ZMIZ1: variants seen among roughly 807,000 people sequenced by gnomAD.
The protein encoded by ZMIZ1 is zinc finger MIZ domain-containing protein 1.
Under a neutral mutation model 113.9 loss-of-function variants are expected in ZMIZ1, and 17 were observed. That is an observed-to-expected ratio of 0.15 (90% confidence interval 0.10 to 0.22). ZMIZ1 has a LOEUF of 0.22. Among genes scored for constraint, ZMIZ1 ranks in the 10% least tolerant of loss-of-function variants. The pLI is 1.00. For missense variants in ZMIZ1, 1,059 were observed against 1,477.8 expected (o/e 0.72, Z 4.65); for synonymous variants, 607 against 603.1 (o/e 1.01, Z -0.09).
At chr10:79,091,992 G>A (rs111769125) in intron 1 of ZMIZ1, among the ~76,000 whole-genome samples, 121 of 152,286 alleles carry the variant, frequency 7.9e-4, no homozygotes, top group African/African-American at 2.9e-3. Context: ...GGACCAACCA[G>A]GCTCCCTGTA....
chr10:79,197,296 C>A (rs1022278482), intron 4 of ZMIZ1, among the ~76,000 whole-genome samples: 1 of 152,166 alleles, frequency 6.6e-6, no homozygotes, highest in African/African-American at 2.4e-5. Flanking sequence ...CCTTCACTGC[C>A]GCATGGGTAT....
At chr10:79,134,537 C>T (rs186585663) in intron 2 of ZMIZ1, among the ~76,000 whole-genome samples, 3 of 152,308 alleles carry the variant, frequency 2.0e-5, no homozygotes, top group East Asian at 1.9e-4. Flanking sequence ...TGAAAACCTC[C>T]ACCTCCTTCT....
intron 4 of ZMIZ1, among the ~76,000 whole-genome samples, chr10:79,192,850 G>A (rs1293261079): frequency 6.6e-6 from 1 of 152,162 alleles, no homozygotes. Flanking sequence ...ACGCTGGCCC[G>A]AGGGCCTGCT....
At chr10:79,300,674 G>T in intron 16 of ZMIZ1, 58 bp from the exon 17 acceptor site, 1 of 1,535,190 alleles carries the variant, frequency 6.5e-7, no homozygotes. Flanking sequence ...TCGGGGTCAC[G>T]GAGGCCATGG....
At chr10:79,204,126 G>T (rs532076490) in intron 5 of ZMIZ1, among the ~76,000 whole-genome samples, 6 of 152,340 alleles carry the variant, frequency 3.9e-5, no homozygotes, top group African/African-American at 1.4e-4. Context: ...AACCTAATCA[G>T]AAGAGAAAGG....
At chr10:79,072,174 A>C (rs925848428) in intron 1 of ZMIZ1, among the ~76,000 whole-genome samples, 1 of 151,970 alleles carries the variant, frequency 6.6e-6, no homozygotes, top group African/African-American at 2.4e-5. Context: ...CAAAGGGGGG[A>C]GGAGGGTTCT....
chr10:79,202,799 C>CA (rs1848157515), intron 5 of ZMIZ1, among the ~76,000 whole-genome samples: 1 of 152,248 alleles, frequency 6.6e-6, no homozygotes, highest in South Asian at 2.1e-4. Flanking sequence ...TTATTCACTC[C>CA]AGGAAGGACC....
At chr10:79,112,413 C>G (rs1451188942) in intron 1 of ZMIZ1, among the ~76,000 whole-genome samples, 1 of 152,010 alleles carries the variant, frequency 6.6e-6, no homozygotes, top group Non-Finnish European at 1.5e-5. Context: ...GACTTCAGAC[C>G]CACTCGGCTC....
intron 2 of ZMIZ1, among the ~76,000 whole-genome samples, chr10:79,137,750 G>A (rs539401290): frequency 9.2e-5 from 14 of 152,180 alleles, no homozygotes; most frequent in South Asian, 4.2e-4. Context: ...ATCTCTCTCC[G>A]AGAGGAGGCA....
chr10:79,208,495 G>A, intron 6 of ZMIZ1, 46 bp downstream of exon 6: 1 of 1,539,654 alleles, frequency 6.5e-7, no homozygotes, highest in Non-Finnish European at 8.9e-7. Flanking sequence ...AGGAAGGTCA[G>A]CTGAGTGCTA....
intron 2 of ZMIZ1, among the ~76,000 whole-genome samples, chr10:79,120,477 G>A (rs761272476): frequency 2.6e-5 from 4 of 152,210 alleles, no homozygotes; most frequent in Non-Finnish European, 5.9e-5. Context: ...GGAGGCTCTG[G>A]ACAGCCTGGG....
At chr10:79,195,411 C>G (rs909322630) in intron 4 of ZMIZ1, among the ~76,000 whole-genome samples, 5 of 152,246 alleles carry the variant, frequency 3.3e-5, no homozygotes, top group African/African-American at 4.8e-5. Flanking sequence ...GTCTCACCCC[C>G]CATTCAGGGG....
chr10:79,230,795 G>A (rs1431398515), intron 7 of ZMIZ1, among the ~76,000 whole-genome samples: 1 of 152,228 alleles, frequency 6.6e-6, no homozygotes, highest in African/African-American at 2.4e-5. Flanking sequence ...GGTCTCCAGG[G>A]AGAGATTTGA....
chr10:79,200,742 A>C (rs1848040593), intron 4 of ZMIZ1, among the ~76,000 whole-genome samples: 1 of 152,164 alleles, frequency 6.6e-6, no homozygotes, highest in Admixed American at 6.5e-5. Flanking sequence ...AAGTGAAAAC[A>C]ACAGAGTTGT....
At chr10:79,093,135 A>AACACACACACACACAC (rs5786379) in intron 1 of ZMIZ1, among the ~76,000 whole-genome samples, 5 of 107,994 alleles carry the variant, frequency 4.6e-5, no homozygotes, top group African/African-American at 1.4e-4. Context: ...CCCCACCCCC[A>AACACACACACACACAC]ACACACACAC....
chr10:79,286,146 G>C (rs1016912336), intron 8 of ZMIZ1, among the ~76,000 whole-genome samples: 1 of 152,196 alleles, frequency 6.6e-6, no homozygotes, highest in African/African-American at 2.4e-5. Flanking sequence ...AAGCACCTGT[G>C]ACCAGGTGAA....
chr10:79,239,977 T>G (rs1336301911), intron 7 of ZMIZ1, among the ~76,000 whole-genome samples: 1 of 124,012 alleles, frequency 8.1e-6, no homozygotes, highest in Non-Finnish European at 1.6e-5. Flanking sequence ...GCATCCTCCC[T>G]CCCCTTGCTC....
intron 2 of ZMIZ1, among the ~76,000 whole-genome samples, chr10:79,138,907 A>C (rs534982222): frequency 6.6e-6 from 1 of 152,250 alleles, no homozygotes; most frequent in Non-Finnish European, 1.5e-5. Flanking sequence ...AAGTGAGTGG[A>C]AGGTGAACAT....
chr10:79,117,641 A>T (rs1844108759), intron 1 of ZMIZ1, among the ~76,000 whole-genome samples: 1 of 152,194 alleles, frequency 6.6e-6, no homozygotes, highest in Non-Finnish European at 1.5e-5. Context: ...GTGGACATGG[A>T]GTTCCTGGGT....
Sources: allele counts gnomAD v4.1 joint callset (sites outside exome capture counted in the v4.1 genomes callset), GRCh38; gene constraint gnomAD v4.1.1; transcripts MANE v1.5; gene names NCBI Gene and HGNC (gene_info 2026-07-23, HGNC 2026-07-21).